Variants in ARHGAP5 observed in about 807,000 individuals in gnomAD.
ARHGAP5 encodes rho GTPase-activating protein 5.
Under a neutral mutation model 116.6 loss-of-function variants are expected in ARHGAP5, and 23 were observed. The observed-to-expected ratio is 0.20, with a 90% CI of 0.14 to 0.28. ARHGAP5 has a LOEUF of 0.28. Ranked by LOEUF, ARHGAP5 falls within the 10% of genes least tolerant of loss-of-function variation. The pLI is 1.00. For missense variants in ARHGAP5, 1,405 were observed against 1,774.8 expected, an observed-to-expected ratio of 0.79 and a Z score of 3.74; for synonymous variants, 574 against 602.0, an observed-to-expected ratio of 0.95 and a Z score of 0.68.
rs138049187 is a variant in ARHGAP5, at chr14:32,093,741, C to G, written c.3072C>G (p.Thr1024=). 4.0e-4 allele frequency: 642 copies of G among 1,613,908 alleles called. No homozygotes were observed. The highest frequency in any genetic ancestry group is 4.9e-4 in the Non-Finnish European group (582 of 1,179,962). The change falls in exon 2 of 7, where the codon ACC becomes ACG. Residue 1024 remains threonine, a synonymous_variant. Coordinates refer to ENST00000345122, the MANE Select transcript of ARHGAP5 (RefSeq NM_001030055.2). ...LEGNEYPIHS[T]PNCHDHERNH... is the part of the protein sequence containing the mutation. ...GAAATGAGTATCCTATTCATAGTACCCCAAACTGTCATGACCATGAACGCA... is the reference window on the plus strand; with the variant it reads ...GAAATGAGTATCCTATTCATAGTACGCCAAACTGTCATGACCATGAACGCA...
chr14:32,127,459 C>A (rs559119213), intron 3 of ARHGAP5, among the ~76,000 whole-genome samples: 5 of 152,238 alleles, frequency 3.3e-5, no homozygotes, highest in Admixed American at 6.5e-5. Context: ...TGAGTTGACA[C>A]AGCACATGTT....
chr14:32,094,020 T>G lies in ARHGAP5; in HGVS notation c.3351T>G (p.Asn1117Lys), dbSNP rs779050241. 2 of 1,613,112 alleles carry G rather than the reference T, an allele frequency of 1.2e-6. No individual in the cohort carries two copies. The highest frequency in any genetic ancestry group is 2.2e-5 in the South Asian group (2 of 90,748). Reference sequence around the variant, plus strand: ...ATGTTGTCCCAGATGATAGTCAAAATCGTATTAAAATTCGAAACTCATTTG... The same window carrying G: ...ATGTTGTCCCAGATGATAGTCAAAAGCGTATTAAAATTCGAAACTCATTTG... ...EIYVVPDDSQNRIKIRNSFVN... is the reference protein window; with the variant it reads ...EIYVVPDDSQKRIKIRNSFVN... The change falls in exon 2 of 7, where the codon AAT becomes AAG. Residue 1117 changes from asparagine to lysine, a missense_variant. Asn to Lys is a moderately conservative substitution (Grantham distance 94). Transcript: ENST00000345122.
intron 1 of ARHGAP5, among the ~76,000 whole-genome samples, chr14:32,083,052 A>G (rs535293505): frequency 1.3e-5 from 2 of 152,362 alleles, no homozygotes; most frequent in South Asian, 4.1e-4. Context: ...CAACATGGGT[A>G]CTGTGGTCAG....
At chr14:32,130,470 C>T (rs540090961) in intron 3 of ARHGAP5, among the ~76,000 whole-genome samples, 1 of 151,538 alleles carries the variant, frequency 6.6e-6, no homozygotes, top group Non-Finnish European at 1.5e-5. Flanking sequence ...CATCCTTCCA[C>T]CTCGGCCTCC....
At chr14:32,149,750 GCAACAAAAGTAAAA>G (rs1881555097) in intron 4 of ARHGAP5, 138 bp from the exon 5 acceptor site, 2 of 367,464 alleles carry the variant, frequency 5.4e-6, no homozygotes, top group East Asian at 1.1e-4. Context: ...TCCAGCTGGG[GCAACAAAAGTAAAA>G]CTCAGTCTCA....
intron 3 of ARHGAP5, among the ~76,000 whole-genome samples, chr14:32,123,040 G>A (rs908728399): frequency 6.6e-6 from 1 of 151,988 alleles, no homozygotes; most frequent in Non-Finnish European, 1.5e-5. Flanking sequence ...TACCTAGTGA[G>A]ATTTCTGCTC....
At chr14:32,131,703 C>T (rs897649220) in intron 3 of ARHGAP5, among the ~76,000 whole-genome samples, 2 of 152,132 alleles carry the variant, frequency 1.3e-5, no homozygotes. Flanking sequence ...CATTTAGCAT[C>T]AGGTATATCT....
At position 32,093,730 on chromosome 14, in the gene ARHGAP5, A is replaced by G. The variant is rs201859090; in HGVS notation, c.3061A>G (p.Ile1021Val). The part of the protein sequence containing the change: ...RLDLEGNEYP[I>V]HSTPNCHDHE... ...AGATTTGGAAGGAAATGAGTATCCTATTCATAGTACCCCAAACTGTCATGA... is the reference window on the plus strand; with the variant it reads ...AGATTTGGAAGGAAATGAGTATCCTGTTCATAGTACCCCAAACTGTCATGA... Residue 1021 changes from isoleucine (I) to valine (V), a missense_variant, in exon 2 of 7, where the codon ATT becomes GTT. Physicochemically the swap from Ile to Val is conservative, Grantham distance 29. Transcript: ENST00000345122. The G allele has an allele frequency of 3.7e-5, 59 of 1,613,996 alleles. No homozygotes were observed. In the Admixed American group the frequency reaches 9.0e-4, roughly 25 times the overall value.
intron 1 of ARHGAP5, among the ~76,000 whole-genome samples, chr14:32,078,990 A>T (rs930911181): frequency 3.3e-5 from 5 of 152,014 alleles, no homozygotes; most frequent in African/African-American, 1.2e-4. Context: ...TTTTGCTTTC[A>T]TCTATCCTTT....
chr14:32,113,119 T>A (rs1262699210), intron 2 of ARHGAP5, among the ~76,000 whole-genome samples: 1 of 152,232 alleles, frequency 6.6e-6, no homozygotes, highest in Non-Finnish European at 1.5e-5. Context: ...TACAAGTTTA[T>A]AGCTACACAT....
At chr14:32,115,670 A>AAG (rs1879527811) in intron 2 of ARHGAP5, among the ~76,000 whole-genome samples, 1 of 148,270 alleles carries the variant, frequency 6.7e-6, no homozygotes, top group African/African-American at 2.5e-5. Context: ...TCTCAAAAAA[A>AAG]AAAAAAAAAA....
chr14:32,156,398 G>GT lies in ARHGAP5; in HGVS notation c.*1456dup, dbSNP rs1594404700. 1 of 152,356 alleles carries GT rather than the reference G, an allele frequency of 6.6e-6. No homozygotes were observed. The highest frequency in any genetic ancestry group is 1.9e-4 in the East Asian group (1 of 5,180). The allele number at this position is 152,356 out of a possible 1,614,324, so 9.4% of individuals were successfully genotyped here. Reference sequence around the variant, plus strand: ...GGCTCCTAAGAGTTTGATTTGCTCTGTTTTTTCCTAAAATAAATATTGTCT... The same window carrying GT: ...GGCTCCTAAGAGTTTGATTTGCTCTGTTTTTTTCCTAAAATAAATATTGTCT... On this transcript the variant is annotated 3_prime_UTR_variant, in exon 7 of 7. Transcript: ENST00000345122.
rs1233715796 is a variant in ARHGAP5, at chr14:32,156,028, G to C, written c.*1080G>C. 1 of 152,454 alleles carries C rather than the reference G, an allele frequency of 6.6e-6. No homozygotes were observed. The highest frequency in any genetic ancestry group is 2.4e-5 in the African/African-American group (1 of 41,430). The allele number at this position is 152,454 out of a possible 1,614,324, so 9.4% of individuals were successfully genotyped here. ...TTTGGGTACTGACAGACTCTTTGGA[G>C]TGTTTATATTACAAATTTGTATTCA... On this transcript the variant is annotated 3_prime_UTR_variant, in exon 7 of 7. Coordinates refer to ENST00000345122, the MANE Select transcript of ARHGAP5 (RefSeq NM_001030055.2).
intron 2 of ARHGAP5, 111 bp from the exon 3 acceptor site, chr14:32,117,029 G>T: frequency 5.4e-6 from 4 of 742,134 alleles, no homozygotes; most frequent in Non-Finnish European, 7.9e-6. Flanking sequence ...CATTTAGGTT[G>T]GATGTGGCTA....
chr14:32,115,984 G>C (rs1181082832), intron 2 of ARHGAP5, among the ~76,000 whole-genome samples: 2 of 149,784 alleles, frequency 1.3e-5, no homozygotes, highest in African/African-American at 4.9e-5. Context: ...GATAGAGCGA[G>C]ACTCCGTCTA....
chr14:32,092,159 A>T lies in ARHGAP5; in HGVS notation c.1490A>T (p.His497Leu). ...GAGTTTCAAGAAATGCTTTTTGAGC[A>T]TTCTGAACTTTTTTATGATTTAGAT... ...KEEFQEMLFE[H>L]SELFYDLDLN... The change falls in exon 2 of 7, where the codon CAT (histidine) becomes CTT (leucine). Residue 497 changes from histidine (H) to leucine (L), a missense_variant. This residue lies in a region of ARHGAP5 where 944 missense variants were observed against 1,095.3 expected (regional missense o/e 0.86). Transcript: ENST00000345122. This position sits in a 1 kb window ranked among gnomAD's most constrained non-coding sequence, Gnocchi z 4.1. 6.2e-7 allele frequency: 1 copy of T among 1,613,748 alleles called. No individual in the cohort carries two copies. Among genetic ancestry groups the T allele is most frequent in the Non-Finnish European group, 8.5e-7 (1 of 1,179,760 alleles).
At chr14:32,078,287 G>A (rs2041733975) in intron 1 of ARHGAP5, 1 of 152,258 alleles carries the variant, frequency 6.6e-6, no homozygotes, top group African/African-American at 2.4e-5. Flanking sequence ...AGGTTGAAAG[G>A]TGCACGGAAG....
chr14:32,147,780 G>GGT lies in ARHGAP5; in HGVS notation c.3943+1441_3943+1442insTG, dbSNP rs568574046. On this transcript the variant is annotated intron_variant, in intron 4 of 6. Coordinates refer to ENST00000345122, the MANE Select transcript of ARHGAP5 (RefSeq NM_001030055.2). The stretch of plus-strand genomic sequence containing the variant: ...AGTGGCAAAACATCAGTTATTGAGT[G>GGT]GCGTGTGTGTGTGTGACTGTGTGTA... Among the ~76,000 whole-genome samples the GGT allele has an allele frequency of 2.6e-3, 389 of 152,318 alleles. 1 individual carries two copies. The highest frequency in any genetic ancestry group is 8.9e-3 in the African/African-American group (368 of 41,554).
chr14:32,139,028 T>G (rs755817373), intron 3 of ARHGAP5, among the ~76,000 whole-genome samples: 1 of 152,140 alleles, frequency 6.6e-6, no homozygotes, highest in Non-Finnish European at 1.5e-5. Flanking sequence ...TTTTCCATAT[T>G]TCATACTACC....
Sources: allele counts gnomAD v4.1 joint callset (sites outside exome capture counted in the v4.1 genomes callset), GRCh38; gene constraint gnomAD v4.1.1; regional missense constraint gnomAD v4.1.1; non-coding constraint Gnocchi (gnomAD v3.1); transcripts MANE v1.5; gene names NCBI Gene and HGNC (gene_info 2026-07-23, HGNC 2026-07-21).